Variants in NOX4 observed in about 807,000 individuals in gnomAD.
NOX4 encodes kidney oxidase-1.
A neutral mutation model predicts 87.6 loss-of-function variants in NOX4; 69 were observed. That is an observed-to-expected ratio of 0.79 (90% CI 0.65 to 0.96). NOX4 has a LOEUF of 0.96. Ranked by LOEUF, NOX4 falls within the 40% of genes least tolerant of loss-of-function variation. The pLI, the probability that NOX4 is intolerant of heterozygous loss-of-function variation, is 0.00. For missense variants in NOX4, 680 were observed against 681.5 expected (o/e 1.00, Z 0.02); for synonymous variants, 275 against 238.2 (o/e 1.15, Z -1.42).
In NOX4 at chr11:89,428,099, A is replaced by G. The variant is rs563220521; in HGVS notation, c.548+4685T>C. Among the ~76,000 whole-genome samples, 5 of 152,290 alleles carry G rather than the reference A, an allele frequency of 3.3e-5. No individual in the cohort carries two copies. The South Asian group carries it at 6.2e-4, about 19-fold the overall frequency. On this transcript the variant is annotated intron_variant, in intron 7 of 17. Transcript: ENST00000263317. ...TAAAGAAAAGAATTTTCAACCCAGAATTTCATATCCAACCAAACTAAGCTT... is the reference window on the plus strand; with the variant it reads ...TAAAGAAAAGAATTTTCAACCCAGAGTTTCATATCCAACCAAACTAAGCTT...
In NOX4 at chr11:89,440,837, G is replaced by A. The variant is rs968721598; in HGVS notation, c.448-122C>T. On this transcript the variant is annotated intron_variant, in intron 5 of 17. Coordinates refer to ENST00000263317, the MANE Select transcript of NOX4 (RefSeq NM_016931.5). Reference sequence around the variant, plus strand: ...TCATGTAAAATACTGTTCATCCAACGGAAGTGAGAAAGACTCGATTAAGTT... The same window carrying A: ...TCATGTAAAATACTGTTCATCCAACAGAAGTGAGAAAGACTCGATTAAGTT... The A allele has an allele frequency of 2.0e-4, 98 of 500,910 alleles. 1 individual carries two copies. Among genetic ancestry groups the A allele is most frequent in the Middle Eastern group, 5.4e-4 (1 of 1,866 alleles). The allele number at this position is 500,910 out of a possible 1,614,324, so 31.0% of individuals were successfully genotyped here. A position where few individuals can be genotyped will look rare whatever the true frequency, so the allele number is the denominator to read the frequency against.
At chr11:89,393,391 A>C (rs769026410) in intron 11 of NOX4, among the ~76,000 whole-genome samples, 1 of 152,054 alleles carries the variant, frequency 6.6e-6, no homozygotes, top group Non-Finnish European at 1.5e-5. Flanking sequence ...ATTATGTTAA[A>C]TAAAAATGTA....
intron 5 of NOX4, among the ~76,000 whole-genome samples, chr11:89,441,144 T>G (rs1276859258): frequency 1.3e-5 from 2 of 152,184 alleles, no homozygotes; most frequent in Admixed American, 1.3e-4. Flanking sequence ...ATAAAATATG[T>G]AGGGGATTTG....
chr11:89,519,990 ATT>A, the NOX4 span, among the ~76,000 whole-genome samples: 1 of 151,988 alleles, frequency 6.6e-6, no homozygotes, highest in African/African-American at 2.4e-5. Flanking sequence ...GTACCCTACC[ATT>A]TCTATGTTCA....
the NOX4 span, among the ~76,000 whole-genome samples, chr11:89,588,263 G>C: frequency 6.6e-6 from 1 of 152,146 alleles, no homozygotes; most frequent in Non-Finnish European, 1.5e-5. Flanking sequence ...TGTAGTAAAT[G>C]CTACCTCATT....
chr11:89,462,787 T>C (rs1458683127), intron 2 of NOX4, among the ~76,000 whole-genome samples: 2 of 152,052 alleles, frequency 1.3e-5, no homozygotes, highest in African/African-American at 2.4e-5. Flanking sequence ...AGCGTAGGTA[T>C]GGATTTCTCA....
chr11:89,335,175 T>C (rs1945647436), intron 17 of NOX4, among the ~76,000 whole-genome samples: 1 of 151,758 alleles, frequency 6.6e-6, no homozygotes, highest in South Asian at 2.1e-4. Flanking sequence ...TTCAAAATCT[T>C]CTTAGAATTC....
the NOX4 span, among the ~76,000 whole-genome samples, chr11:89,518,261 G>A: frequency 1.3e-5 from 2 of 151,812 alleles, no homozygotes; most frequent in Non-Finnish European, 2.9e-5. Flanking sequence ...ACTTTAACAG[G>A]AACAGACCTT....
chr11:89,438,921 TATATATA>T (rs1944322476), intron 6 of NOX4, among the ~76,000 whole-genome samples: 1 of 55,746 alleles, frequency 1.8e-5, no homozygotes, highest in Non-Finnish European at 3.1e-5. Flanking sequence ...TAATATAAAA[TATATATA>T]ATAATATAAT....
rs367832897 is a variant in NOX4, at chr11:89,383,065, C to T, written c.1075-9573G>A. Reference sequence around the variant, plus strand: ...AAAAAAAAGCTTCAAAAATTAGAATCGGGCCCTGAAACCCCACAACAGGAA... The same window carrying T: ...AAAAAAAAGCTTCAAAAATTAGAATTGGGCCCTGAAACCCCACAACAGGAA... On this transcript the variant is annotated intron_variant, in intron 11 of 17. Transcript: ENST00000263317. Among the ~76,000 whole-genome samples, 256 of 152,180 alleles carry T rather than the reference C, an allele frequency of 1.7e-3. 1 individual carries two copies. The highest frequency in any genetic ancestry group is 5.7e-3 in the African/African-American group (235 of 41,498).
chr11:89,542,349 C>A, the NOX4 span, among the ~76,000 whole-genome samples: 1 of 152,164 alleles, frequency 6.6e-6, no homozygotes, highest in African/African-American at 2.4e-5. Flanking sequence ...TTCTATATAA[C>A]TGGTCAATCA....
chr11:89,462,221 A>G (rs1338357774), intron 2 of NOX4, among the ~76,000 whole-genome samples: 2 of 152,300 alleles, frequency 1.3e-5, no homozygotes, highest in Non-Finnish European at 2.9e-5. Flanking sequence ...GGAACGTAAG[A>G]GAAGGGCTAA....
chr11:89,580,392 G>A, the NOX4 span, among the ~76,000 whole-genome samples: 1 of 152,024 alleles, frequency 6.6e-6, no homozygotes, highest in South Asian at 2.1e-4. Flanking sequence ...ATGTTGCCCA[G>A]GCTAGTCTCG....
chr11:89,445,415 G>C (rs1944656980), intron 4 of NOX4, among the ~76,000 whole-genome samples: 1 of 152,160 alleles, frequency 6.6e-6, no homozygotes, highest in East Asian at 1.9e-4. Flanking sequence ...TTATTTAAAA[G>C]ATTTATAAGG....
At chr11:89,487,866 C>T (rs1475803976) in intron 2 of NOX4, among the ~76,000 whole-genome samples, 1 of 152,094 alleles carries the variant, frequency 6.6e-6, no homozygotes, top group African/African-American at 2.4e-5. Flanking sequence ...TGAAATAATG[C>T]AACACTTATT....
At chr11:89,545,830 A>T in the NOX4 span, 1 of 152,106 alleles carries the variant, frequency 6.6e-6, no homozygotes, top group African/African-American at 2.4e-5. Context: ...ACTACTGAAA[A>T]AGAGACTTGA....
chr11:89,436,749 T>A (rs944053292), intron 6 of NOX4, among the ~76,000 whole-genome samples: 1 of 152,094 alleles, frequency 6.6e-6, no homozygotes. Flanking sequence ...AAGTTAGATA[T>A]TATCCATTTT....
chr11:89,496,445 G>A (rs969171087), upstream of NOX4, among the ~76,000 whole-genome samples: 1 of 152,002 alleles, frequency 6.6e-6, no homozygotes, highest in Non-Finnish European at 1.5e-5. Context: ...CAAACTTCTA[G>A]ATTTCATAGA....
chr11:89,438,872 TATA>T (rs1944297914), intron 6 of NOX4, among the ~76,000 whole-genome samples: 1 of 52,300 alleles, frequency 1.9e-5, no homozygotes, highest in Non-Finnish European at 2.8e-5. Context: ...ATATTATATA[TATA>T]ATATATAATA....
Sources: allele counts gnomAD v4.1 joint callset (sites outside exome capture counted in the v4.1 genomes callset), GRCh38; gene constraint gnomAD v4.1.1; transcripts MANE v1.5; gene names NCBI Gene and HGNC (gene_info 2026-07-23, HGNC 2026-07-21).